GTPBP1: variants seen among roughly 807,000 people sequenced by gnomAD.
The protein encoded by GTPBP1 is GTP binding protein 1, also known as GTP-binding protein 1.
A neutral mutation model predicts 62.0 loss-of-function variants in GTPBP1; 23 were observed. The observed-to-expected ratio is 0.37, with a 90% CI of 0.27 to 0.53. The LOEUF (loss-of-function observed/expected upper bound fraction) is 0.53. Ranked by LOEUF, GTPBP1 falls within the 20% of genes least tolerant of loss-of-function variation. The pLI, the probability that GTPBP1 is intolerant of heterozygous loss-of-function variation, is 0.89. For missense variants in GTPBP1, 640 were observed against 917.3 expected (o/e 0.70, Z 3.90); for synonymous variants, 344 against 364.4 (o/e 0.94, Z 0.64).
Position 38,708,825 on chromosome 22 carries a change from G to T in GTPBP1, c.193-20G>T. On this transcript the variant is annotated intron_variant, in intron 1 of 11. Transcript: ENST00000216044. ...CTCTTCTAGCAAGTGTGGTCCTAAG[G>T]CTGTTGGTTTCTTTTCTAGCTGGTT... 7.4e-7 allele frequency: 1 copy of T among 1,353,108 alleles called. No individual in the cohort carries two copies. The highest frequency in any genetic ancestry group is 1.1e-6 in the Non-Finnish European group (1 of 941,496). 83.8% of individuals were successfully genotyped at this position (1,353,108 alleles called of 1,614,324 possible).
downstream of GTPBP1, chr22:38,738,110 G>A: frequency 1.4e-6 from 2 of 1,475,272 alleles, no homozygotes; most frequent in Non-Finnish European, 1.9e-6. The surrounding 1 kb of genome is among the most constrained non-coding windows in gnomAD (Gnocchi z 6.6). Flanking sequence ...AAGTGCCCAG[G>A]GAGCACCTGC....
downstream of GTPBP1, chr22:38,736,468 A>G: frequency 9.1e-7 from 1 of 1,099,262 alleles, no homozygotes. Flanking sequence ...AGCCTCGCCT[A>G]GGGCCAGATG....
rs6147621 is a variant in GTPBP1 at position 38,731,011 on chromosome 22, TG to T, written c.*308del. 235 of 60,416 alleles carry T rather than the reference TG, an allele frequency of 3.9e-3. 2 individuals are homozygous for T. The highest frequency in any genetic ancestry group is 0.018 in the Admixed American group (55 of 3,122). The allele number at this position is 60,416 out of a possible 1,614,324, so 3.7% of individuals were successfully genotyped here. ...ATTATATGTCTCTGTCTCTCTCTAT[TG>T]TGTGTGTGTGTGTGTGTGTGTGTGT... On this transcript the variant is annotated 3_prime_UTR_variant, in exon 12 of 12. Coordinates refer to ENST00000216044, the MANE Select transcript of GTPBP1 (RefSeq NM_004286.5).
chr22:38,740,270 G>A (rs373597815), downstream of GTPBP1: 92 of 1,585,376 alleles, frequency 5.8e-5, no homozygotes, highest in Non-Finnish European at 6.8e-5. This position sits in a 1 kb window ranked among gnomAD's most constrained non-coding sequence, Gnocchi z 4.8. Context: ...CACTCACGTC[G>A]TCCCGCACGG....
downstream of GTPBP1, chr22:38,741,446 TG>T: frequency 6.4e-7 from 1 of 1,574,726 alleles, no homozygotes; most frequent in Non-Finnish European, 8.7e-7. Flanking sequence ...ACATGTTGGA[TG>T]GGGTCAGGAC....
intron 5 of GTPBP1, chr22:38,723,093 T>C: frequency 5.2e-6 from 4 of 771,398 alleles, no homozygotes; most frequent in Non-Finnish European, 7.1e-6. Flanking sequence ...GCAAGATGAC[T>C]AAAGTGGGAA....
intron 4 of GTPBP1, 21 bp from the exon 5 acceptor site, chr22:38,721,721 T>G (rs2092701811): frequency 1.2e-6 from 2 of 1,606,054 alleles, no homozygotes; most frequent in Admixed American, 3.3e-5. Flanking sequence ...GTCCTGACAC[T>G]TCCTTTCTGT....
chr22:38,726,287 A>C lies in GTPBP1; in HGVS notation c.1248A>C (p.Thr416=), dbSNP rs543404956. 6 of 1,613,884 alleles carry C rather than the reference A, an allele frequency of 3.7e-6. No homozygotes were observed. The African/African-American group carries it at 6.7e-5, about 18-fold the overall frequency. ...TGGGGACAGTGGTTTCGGGGACAAC[A>C]CTGAGAGGCCTGATCAAGCTGAATG... ...PGVGTVVSGT[T]LRGLIKLNDT... Residue 416 remains threonine, a synonymous_variant, in exon 8 of 12, where the codon ACA becomes ACC. Transcript: ENST00000216044. This position sits in a 1 kb window ranked among gnomAD's most constrained non-coding sequence, Gnocchi z 4.1.
chr22:38,727,055 G>C lies in GTPBP1; in HGVS notation c.1402-158G>C, dbSNP rs565733026. On this transcript the variant is annotated intron_variant, in intron 8 of 11. Coordinates refer to ENST00000216044, the MANE Select transcript of GTPBP1 (RefSeq NM_004286.5). This position sits in a 1 kb window ranked among gnomAD's most constrained non-coding sequence, Gnocchi z 6.5. ...TTCCCATGGAGCACTGAGGGTGCTC[G>C]TGCTGTCCACCCTAGAAGGCCTGTG... Among the ~76,000 whole-genome samples, 2 of 152,070 alleles carry C rather than the reference G, an allele frequency of 1.3e-5. No homozygotes were observed. Among genetic ancestry groups the C allele is most frequent in the Admixed American group, 6.5e-5 (1 of 15,272 alleles).
At chr22:38,712,272 A>G (rs1300653831) in intron 2 of GTPBP1, among the ~76,000 whole-genome samples, 2 of 152,140 alleles carry the variant, frequency 1.3e-5, no homozygotes, top group East Asian at 1.9e-4. Flanking sequence ...TTCCAGGTAA[A>G]TGGAGGGAAT....
At position 38,726,799 on chromosome 22, in the gene GTPBP1, C is replaced by T. The variant is rs1569284374; in HGVS notation, c.1401+359C>T. Among the ~76,000 whole-genome samples, 2 of 152,162 alleles carry T rather than the reference C, an allele frequency of 1.3e-5. No individual in the cohort carries two copies. The highest frequency in any genetic ancestry group is 2.9e-5 in the Non-Finnish European group (2 of 68,002). ...ATCCTCTTCCCATTCAGCCTTCTAT[C>T]TCCTGGGGTTTGGGGTGGGTTGTAG... On this transcript the variant is annotated intron_variant, in intron 8 of 11. Transcript: ENST00000216044. The surrounding 1 kb of genome is among the most constrained non-coding windows in gnomAD (Gnocchi z 4.1).
At position 38,727,192 on chromosome 22, in the gene GTPBP1, G is replaced by C; in HGVS notation, c.1402-21G>C. ...GAAGGCATAATTGTCCCTGAGGGCT[G>C]GGGCTCCCTCTTTCTTTCAGATCAA... is the stretch of plus-strand genomic sequence containing the variant. On this transcript the variant is annotated intron_variant, in intron 8 of 11. Coordinates refer to ENST00000216044, the MANE Select transcript of GTPBP1 (RefSeq NM_004286.5). This position sits in a 1 kb window ranked among gnomAD's most constrained non-coding sequence, Gnocchi z 6.5. 6.4e-7 allele frequency: 1 copy of C among 1,552,634 alleles called. No homozygotes were observed. The highest frequency in any genetic ancestry group is 8.7e-7 in the Non-Finnish European group (1 of 1,149,012).
chr22:38,740,513 T>G (rs1210292001), downstream of GTPBP1: 33 of 1,374,080 alleles, frequency 2.4e-5, no homozygotes, highest in Non-Finnish European at 2.8e-5. The surrounding 1 kb of genome is among the most constrained non-coding windows in gnomAD (Gnocchi z 4.8). Flanking sequence ...GAGGACCCCC[T>G]AGTGGGCTCC....
At chr22:38,722,819 T>A in intron 5 of GTPBP1, 1 of 1,586,750 alleles carries the variant, frequency 6.3e-7, no homozygotes, top group Non-Finnish European at 8.6e-7. Flanking sequence ...GTGTCCAGTT[T>A]GCTGGGCAGA....
intron 4 of GTPBP1, among the ~76,000 whole-genome samples, chr22:38,720,821 A>G (rs1360006448): frequency 6.6e-6 from 1 of 152,212 alleles, no homozygotes; most frequent in East Asian, 1.9e-4. Context: ...TTAAACATCA[A>G]GTGACCCTCT....
downstream of GTPBP1, chr22:38,734,090 G>C (rs1260687097): frequency 3.5e-6 from 1 of 285,496 alleles, no homozygotes; most frequent in African/African-American, 2.4e-5. Context: ...CCCAGCTCCT[G>C]CCTTGTGGCT....
At chr22:38,736,083 C>T (rs1376503096), downstream of GTPBP1, 4 of 672,400 alleles carry the variant, frequency 5.9e-6, no homozygotes, top group Admixed American at 7.0e-5. Context: ...GCTGCTGGAG[C>T]CTGCTAACCG....
At chr22:38,710,013 G>A (rs2092629277) in intron 2 of GTPBP1, among the ~76,000 whole-genome samples, 1 of 152,190 alleles carries the variant, frequency 6.6e-6, no homozygotes, top group South Asian at 2.1e-4. Flanking sequence ...TCTTCATTAT[G>A]GGATTATCTT....
intron 5 of GTPBP1, among the ~76,000 whole-genome samples, chr22:38,722,247 A>G (rs1016766497): frequency 1.3e-5 from 2 of 152,264 alleles, no homozygotes; most frequent in African/African-American, 4.8e-5. Context: ...TTTTTAAAAT[A>G]ATATTCACAT....
Sources: gnomAD v4.1 joint callset for allele counts (sites outside exome capture counted in the v4.1 genomes callset) on GRCh38, gnomAD v4.1.1 for gene constraint, Gnocchi (gnomAD v3.1) non-coding constraint, MANE v1.5 for transcripts, NCBI Gene and HGNC (gene_info 2026-07-23, HGNC 2026-07-21) for gene names.